INO80: variants seen among roughly 807,000 people sequenced by gnomAD.
INO80 encodes the protein INO80 complex ATPase subunit.
Under a neutral mutation model 203.4 loss-of-function variants are expected in INO80, and 20 were observed. That is an observed-to-expected ratio of 0.10 (90% confidence interval 0.07 to 0.14). The LOEUF (loss-of-function observed/expected upper bound fraction) is 0.14. INO80 is among the 10% of genes least tolerant of loss of function. INO80 has a pLI of 1.00. For synonymous variants in INO80, 726 were observed against 685.2 expected (o/e 1.06, Z -0.93); for missense variants, 1,419 against 1,914.4 (o/e 0.74, Z 4.83).
chr15:40,980,466 C>T (rs373409383), intron 35 of INO80, 26 bp from the exon 36 acceptor site: 20 of 1,567,840 alleles, frequency 1.3e-5, no homozygotes, highest in East Asian at 4.5e-5. Flanking sequence ...GAGACAAGAA[C>T]GTAAGCACCA....
At chr15:40,997,776 A>T in intron 28 of INO80, 175 bp from the exon 29 acceptor site, 1 of 496,530 alleles carries the variant, frequency 2.0e-6, no homozygotes, top group Non-Finnish European at 3.7e-6. Context: ...CTCTGTTGTT[A>T]CAACCAAACA....
chr15:40,983,388 CT>C (rs1447904709), intron 34 of INO80, among the ~76,000 whole-genome samples: 2 of 152,198 alleles, frequency 1.3e-5, no homozygotes, highest in Non-Finnish European at 2.9e-5. Flanking sequence ...TGGGACTCAT[CT>C]GCACACTCTA....
chr15:40,983,795 A>C lies in INO80; in HGVS notation c.4204T>G (p.Ser1402Ala). The change falls in exon 34 of 36, where the codon TCC (serine) becomes GCC (alanine). Residue 1402 changes from serine (S) to alanine (A), a missense_variant. Coordinates refer to ENST00000648947, the MANE Select transcript of INO80 (RefSeq NM_017553.3). The stretch of plus-strand genomic sequence containing the variant: ...GTATCTGAGACGGAGCCTGTTATGG[A>C]TGCGGGAGAGTTGGTAGCTCGAGAC... ...PQSRATNSPA[S>A]ITGSVSDTVN... 6.2e-7 allele frequency: 1 copy of C among 1,612,592 alleles called. No homozygotes were observed. The highest frequency in any genetic ancestry group is 1.3e-5 in the African/African-American group (1 of 74,994).
rs117004142 is a variant in INO80, at chr15:41,076,793, C to T, written c.1132-2228G>A. Among the ~76,000 whole-genome samples, 1,086 of 151,826 alleles carry T rather than the reference C, an allele frequency of 7.2e-3. 8 individuals are homozygous for T. Among genetic ancestry groups the T allele is most frequent in the Non-Finnish European group, 0.01 (703 of 67,916 alleles). On this transcript the variant is annotated intron_variant, in intron 9 of 35. Coordinates refer to ENST00000648947, the MANE Select transcript of INO80 (RefSeq NM_017553.3). ...AACCTAAGAAAAATAATCATTGTGT[C>T]GATAAATAAAATCATTCCTAAGATA...
At position 40,983,791 on chromosome 15, in the gene INO80, A is replaced by T. The variant is rs765040928; in HGVS notation, c.4208T>A (p.Ile1403Lys). 1 of 1,612,562 alleles carries T rather than the reference A, an allele frequency of 6.2e-7. No homozygotes were observed. The highest frequency in any genetic ancestry group is 1.7e-5 in the Admixed American group (1 of 60,010). ...QSRATNSPAS[I>K]TGSVSDTVNG... ...CACGGTATCTGAGACGGAGCCTGTTATGGATGCGGGAGAGTTGGTAGCTCG... is the reference window on the plus strand; with the variant it reads ...CACGGTATCTGAGACGGAGCCTGTTTTGGATGCGGGAGAGTTGGTAGCTCG... Residue 1403 changes from isoleucine (I) to lysine (K), a missense_variant, in exon 34 of 36, where the codon ATA (isoleucine) becomes AAA (lysine). Transcript: ENST00000648947.
At chr15:41,087,446 G>A in intron 6 of INO80, 116 bp downstream of exon 6, 1 of 1,151,788 alleles carries the variant, frequency 8.7e-7, no homozygotes, top group Non-Finnish European at 1.2e-6. Context: ...GAGTTTTTCA[G>A]ATAAAGCAAA....
At chr15:40,985,560 A>G in intron 31 of INO80, 134 bp from the exon 32 acceptor site, 1 of 698,678 alleles carries the variant, frequency 1.4e-6, no homozygotes, top group East Asian at 2.6e-5. Flanking sequence ...GCAGATAACC[A>G]GTGGTTTTCT....
intron 28 of INO80, among the ~76,000 whole-genome samples, chr15:40,999,105 A>G (rs1276564884): frequency 3.3e-5 from 5 of 152,228 alleles, no homozygotes; most frequent in Non-Finnish European, 1.5e-5. Flanking sequence ...CTAATGCATT[A>G]CAGGTCATAA....
Position 41,016,093 on chromosome 15 carries a change from G to A in INO80, c.3397C>T (p.Leu1133=), listed in dbSNP as rs769226396. ...YSQMTRMIDL[L]EEYMVYRKHT... ...CCCAAGATTCCCTCTCCTACCTCCAGTAGGTCTATCATCCTGGTCATCTGG... is the reference window on the plus strand; with the variant it reads ...CCCAAGATTCCCTCTCCTACCTCCAATAGGTCTATCATCCTGGTCATCTGG... Residue 1133 remains leucine (L), a synonymous_variant, in exon 27 of 36, where the codon CTG becomes TTG. Coordinates refer to ENST00000648947, the MANE Select transcript of INO80 (RefSeq NM_017553.3). The A allele has an allele frequency of 1.2e-6, 2 of 1,612,506 alleles. No individual in the cohort carries two copies. The highest frequency in any genetic ancestry group is 1.1e-5 in the South Asian group (1 of 90,884).
In INO80 at chr15:41,115,937, C is replaced by T. The variant is rs1596338387; in HGVS notation, c.-44+36G>A. The T allele has an allele frequency of 1.3e-4, 49 of 384,674 alleles. No individual in the cohort carries two copies. The East Asian group carries it at 1.8e-3, about 14-fold the overall frequency. The allele number at this position is 384,674 out of a possible 1,614,324, so 23.8% of individuals were successfully genotyped here. On this transcript the variant is annotated intron_variant, in intron 1 of 35. Transcript: ENST00000648947. ...GGGCGCAACAAGACCTACACAACCC[C>T]CACTCCGTTCGCCCGCCCACGTCTA...
At chr15:41,094,439 T>C (rs1353516432) in intron 4 of INO80, among the ~76,000 whole-genome samples, 3 of 152,180 alleles carry the variant, frequency 2.0e-5, no homozygotes, top group African/African-American at 7.2e-5. Context: ...TCAGAATCAG[T>C]TGAAATGTTA....
rs754078295 is a variant in INO80 at position 40,982,971 on chromosome 15, C to T, written c.4344G>A (p.Arg1448=). 27 of 1,614,200 alleles carry T rather than the reference C, an allele frequency of 1.7e-5. No individual in the cohort carries two copies. The East Asian group carries it at 5.6e-4, about 33-fold the overall frequency. Residue 1448 remains arginine, a synonymous_variant, in exon 35 of 36, where the codon CGG becomes CGA. Transcript: ENST00000648947. ...GSTAKGAGKG[R]SRKSTAGSAA... ...CACTGCCTGCCGTGGACTTTCGGCT[C>T]CGGCCCTTCCCTGCTCCTTTGGCTG...
chr15:41,071,268 T>A (rs946922019), intron 12 of INO80, among the ~76,000 whole-genome samples: 2 of 152,178 alleles, frequency 1.3e-5, no homozygotes, highest in African/African-American at 4.8e-5. Context: ...AATTATACTT[T>A]AAGTTCTAGG....
In INO80 at chr15:40,979,520, C is replaced by T. The variant is rs7175438; in HGVS notation, c.*703G>A. The T allele has an allele frequency of 1, 153,658 of 153,694 alleles. 76,811 individuals are homozygous for T. The highest frequency in any genetic ancestry group is 1 in the Middle Eastern group (296 of 296). 9.5% of individuals were successfully genotyped at this position (153,694 alleles called of 1,614,324 possible). A position where few individuals can be genotyped will look rare whatever the true frequency, so the allele number is the denominator to read the frequency against. On this transcript the variant is annotated 3_prime_UTR_variant, in exon 36 of 36. Transcript: ENST00000648947. ...CTGATTGAGGTGGCTCCTGGTCTCT[C>T]TACTGGCTTCTGGGAGTCCCCTGGG...
At chr15:41,109,911 G>A (rs960788369) in intron 1 of INO80, among the ~76,000 whole-genome samples, 166 of 149,182 alleles carry the variant, frequency 1.1e-3, no homozygotes, top group African/African-American at 3.9e-3. Context: ...CAGCCTGGAC[G>A]ACAGAGCGAG....
intron 1 of INO80, among the ~76,000 whole-genome samples, chr15:41,100,748 T>G (rs921684638): frequency 6.6e-6 from 1 of 152,154 alleles, no homozygotes; most frequent in African/African-American, 2.4e-5. Flanking sequence ...CTTACCATTT[T>G]AACCATTTTT....
intron 11 of INO80, 55 bp from the exon 12 acceptor site, chr15:41,072,113 A>T: frequency 6.6e-6 from 8 of 1,220,362 alleles, no homozygotes; most frequent in Non-Finnish European, 6.8e-6. Flanking sequence ...AAAATATTAC[A>T]TGAAAATAAG....
At chr15:40,981,751 C>A (rs1387206515) in intron 35 of INO80, among the ~76,000 whole-genome samples, 1 of 152,234 alleles carries the variant, frequency 6.6e-6, no homozygotes, top group African/African-American at 2.4e-5. Flanking sequence ...ACGGTCACAA[C>A]AGCCACTTTT....
chr15:40,983,735 C>T, intron 34 of INO80, 27 bp downstream of exon 34: 1 of 1,608,654 alleles, frequency 6.2e-7, no homozygotes, highest in Non-Finnish European at 8.5e-7. Context: ...GGACCAGGCC[C>T]AAGCTGTACA....
Sources: gnomAD v4.1 joint callset for allele counts (sites outside exome capture counted in the v4.1 genomes callset) on GRCh38, gnomAD v4.1.1 for gene constraint, MANE v1.5 for transcripts, NCBI Gene and HGNC (gene_info 2026-07-23, HGNC 2026-07-21) for gene names.